CNTN5: variants seen among roughly 807,000 people sequenced by gnomAD.
The protein encoded by CNTN5 is contactin 5.
Under a neutral mutation model 129.1 loss-of-function variants are expected in CNTN5, and 77 were observed. The observed-to-expected ratio is 0.60, with a 90% CI of 0.50 to 0.72. The LOEUF (loss-of-function observed/expected upper bound fraction) is 0.72. CNTN5 is among the 30% of genes least tolerant of loss of function. CNTN5 has a pLI of 0.00. For missense variants in CNTN5, 1,478 were observed against 1,328.8 expected (o/e 1.11, Z -1.75); for synonymous variants, 509 against 465.6 (o/e 1.09, Z -1.20).
At chr11:99,254,486 A>G (rs947744325) in intron 1 of CNTN5, among the ~76,000 whole-genome samples, 1 of 151,974 alleles carries the variant, frequency 6.6e-6, no homozygotes, top group Admixed American at 6.6e-5. Context: ...TTGCATCAGT[A>G]AAATGTATCT....
chr11:99,166,397 C>CA (rs57810491), intron 1 of CNTN5, among the ~76,000 whole-genome samples: 17,675 of 82,614 alleles, frequency 0.21, 1,744 homozygotes, highest in Middle Eastern at 0.28. Context: ...AAGACTCTGT[C>CA]AAAAAAAAAA....
chr11:100,144,231 T>A (rs929845537), intron 13 of CNTN5, among the ~76,000 whole-genome samples: 5 of 152,180 alleles, frequency 3.3e-5, no homozygotes, highest in African/African-American at 1.2e-4. Flanking sequence ...TTTATTTTTT[T>A]ATTTTATATT....
chr11:99,995,288 A>G (rs945440674), intron 8 of CNTN5, among the ~76,000 whole-genome samples: 1 of 151,856 alleles, frequency 6.6e-6, no homozygotes, highest in African/African-American at 2.4e-5. Context: ...TTTGTGATAA[A>G]AACTTTAGTG....
At chr11:99,595,997 T>C (rs1390051180) in intron 3 of CNTN5, among the ~76,000 whole-genome samples, 1 of 152,078 alleles carries the variant, frequency 6.6e-6, no homozygotes, top group East Asian at 1.9e-4. Context: ...AAATTTGCAT[T>C]TCAGCAAGAT....
intron 6 of CNTN5, among the ~76,000 whole-genome samples, chr11:99,884,688 G>GT (rs1948853830): frequency 6.6e-6 from 1 of 152,180 alleles, no homozygotes; most frequent in Admixed American, 6.6e-5. Flanking sequence ...GTTAAAAACA[G>GT]TAAGAAGGCT....
chr11:99,992,415 G>A (rs698697), intron 8 of CNTN5, among the ~76,000 whole-genome samples: 42,267 of 152,128 alleles, frequency 0.28, 6,568 homozygotes, highest in Non-Finnish European at 0.35. Flanking sequence ...TTGACAGCAT[G>A]ACTCTCTGCA....
intron 15 of CNTN5, among the ~76,000 whole-genome samples, chr11:100,215,568 T>TA (rs1279927242): frequency 4.6e-5 from 7 of 152,126 alleles, no homozygotes; most frequent in Admixed American, 1.3e-4. Flanking sequence ...CGTAATAAAA[T>TA]AGAGTATATC....
intron 3 of CNTN5, among the ~76,000 whole-genome samples, chr11:99,572,036 C>T (rs191215665): frequency 1.5e-4 from 23 of 152,206 alleles, no homozygotes; most frequent in Admixed American, 1.0e-3. Context: ...TTACATGGCC[C>T]ATAGCAAGAA....
At chr11:99,475,019 C>A (rs1945317765) in intron 2 of CNTN5, among the ~76,000 whole-genome samples, 1 of 151,596 alleles carries the variant, frequency 6.6e-6, no homozygotes. Context: ...CATGTAAGAT[C>A]CACCCTCATG....
chr11:99,500,167 C>T (rs149758907), intron 2 of CNTN5, among the ~76,000 whole-genome samples: 3 of 152,106 alleles, frequency 2.0e-5, no homozygotes, highest in South Asian at 2.1e-4. Context: ...ATTAGGCTGG[C>T]GCAAAAGTAA....
chr11:100,026,788 A>G (rs1941441051), intron 9 of CNTN5, among the ~76,000 whole-genome samples: 1 of 152,036 alleles, frequency 6.6e-6, no homozygotes, highest in African/African-American at 2.4e-5. Context: ...GTCTTTTATC[A>G]GATGTCTTTG....
intron 1 of CNTN5, among the ~76,000 whole-genome samples, chr11:99,028,999 G>A (rs1863232411): frequency 6.6e-6 from 1 of 151,656 alleles, no homozygotes; most frequent in African/African-American, 2.4e-5. Flanking sequence ...TTGAATTTTA[G>A]GTTCAGTTTT....
chr11:100,237,207 A>G (rs920176287), intron 16 of CNTN5, among the ~76,000 whole-genome samples: 1 of 151,484 alleles, frequency 6.6e-6, no homozygotes, highest in African/African-American at 2.4e-5. Context: ...AAAAAAAAAA[A>G]AGAAAAGAAA....
At chr11:99,582,823 T>C (rs1949656587) in intron 3 of CNTN5, among the ~76,000 whole-genome samples, 1 of 152,236 alleles carries the variant, frequency 6.6e-6, no homozygotes, top group Non-Finnish European at 1.5e-5. Flanking sequence ...CTCTCTCAAC[T>C]CGTCAAAGTC....
chr11:100,301,612 G>A (rs1295328017), intron 20 of CNTN5, among the ~76,000 whole-genome samples: 1 of 151,584 alleles, frequency 6.6e-6, no homozygotes, highest in Non-Finnish European at 1.5e-5. Context: ...TACTAATTAA[G>A]TTTACAAATG....
At chr11:99,292,386 TC>T (rs146889230) in intron 1 of CNTN5, among the ~76,000 whole-genome samples, 8,537 of 151,984 alleles carry the variant, frequency 0.056, 629 homozygotes, top group African/African-American at 0.17. Flanking sequence ...TCCAGTGAAA[TC>T]AAAGGAAAGA....
intron 2 of CNTN5, among the ~76,000 whole-genome samples, chr11:99,330,840 T>TA (rs1246094433): frequency 6.6e-6 from 1 of 152,156 alleles, no homozygotes; most frequent in African/African-American, 2.4e-5. Flanking sequence ...TAAAACAAGT[T>TA]GATATCTAAA....
At chr11:100,187,669 A>T (rs569302378) in intron 13 of CNTN5, among the ~76,000 whole-genome samples, 1 of 152,298 alleles carries the variant, frequency 6.6e-6, no homozygotes, top group South Asian at 2.1e-4. Context: ...ACCAAAGTTG[A>T]CAAAAATAAG....
chr11:99,106,927 C>T (rs928174111), intron 1 of CNTN5, among the ~76,000 whole-genome samples: 12 of 152,016 alleles, frequency 7.9e-5, no homozygotes, highest in African/African-American at 2.9e-4. Context: ...TCTTTTGTAA[C>T]ATTAACAGTA....
Sources: allele counts gnomAD v4.1 joint callset (sites outside exome capture counted in the v4.1 genomes callset), GRCh38; gene constraint gnomAD v4.1.1; transcripts MANE v1.5; gene names NCBI Gene and HGNC (gene_info 2026-07-23, HGNC 2026-07-21).